The following ESRRG variants were observed in gnomAD, a reference collection of about 807,000 sequenced individuals.
The protein encoded by ESRRG is estrogen related receptor gamma.
A neutral mutation model predicts 44.0 loss-of-function variants in ESRRG; 13 were observed. That is an observed-to-expected ratio of 0.30 (90% CI 0.19 to 0.47). The LOEUF (loss-of-function observed/expected upper bound fraction) is 0.47. ESRRG is among the 20% of genes least tolerant of loss of function. The pLI, the probability that ESRRG is intolerant of heterozygous loss-of-function variation, is 1.00. For missense variants in ESRRG, 395 were observed against 580.6 expected (o/e 0.68, Z 3.29); for synonymous variants, 215 against 214.6 (o/e 1.00, Z -0.02).
At chr1:216,921,266 C>A (rs534172294) in intron 2 of ESRRG, among the ~76,000 whole-genome samples, 1 of 152,122 alleles carries the variant, frequency 6.6e-6, no homozygotes, top group Non-Finnish European at 1.5e-5. Context: ...TTCTCTGCCT[C>A]TTAGTCGCAT....
intron 1 of ESRRG, among the ~76,000 whole-genome samples, chr1:216,679,622 A>ATTTTTTTTTCTTTTTTTTT (rs2076684395): frequency 1.0e-5 from 1 of 98,910 alleles, no homozygotes. Context: ...TTAATTTGGA[A>ATTTTTTTTTCTTTTTTTTT]TTTTTTTTTT....
chr1:216,876,142 C>G (rs1447554635), intron 2 of ESRRG, among the ~76,000 whole-genome samples: 3 of 151,926 alleles, frequency 2.0e-5, no homozygotes, highest in Non-Finnish European at 4.4e-5. Context: ...TATATGTTTC[C>G]TGGAACAGTA....
rs11572825 is a variant in ESRRG at position 216,517,838 on chromosome 1, G to A, written c.1132+1314C>T. Among the ~76,000 whole-genome samples, 522 of 152,172 alleles carry A rather than the reference G, an allele frequency of 3.4e-3. 7 individuals are homozygous for A. Among genetic ancestry groups the A allele is most frequent in the African/African-American group, 0.012 (479 of 41,518 alleles). ...TTTCACAGGAGCGTAGAAGAAGAGAGGTGCATGGTGTGGTGAGGAAGAGGG... is the reference window on the plus strand; with the variant it reads ...TTTCACAGGAGCGTAGAAGAAGAGAAGTGCATGGTGTGGTGAGGAAGAGGG... On this transcript the variant is annotated intron_variant, in intron 6 of 6. Transcript: ENST00000408911.
intron 3 of ESRRG, among the ~76,000 whole-genome samples, chr1:216,631,224 T>C (rs1249919937): frequency 1.3e-5 from 2 of 152,154 alleles, no homozygotes; most frequent in Admixed American, 1.3e-4. Context: ...TAAGGCCAAT[T>C]GCATCCCCAA....
At chr1:216,775,359 C>T (rs1576409595) in intron 2 of ESRRG, among the ~76,000 whole-genome samples, 1 of 152,030 alleles carries the variant, frequency 6.6e-6, no homozygotes, top group East Asian at 2.0e-4. Context: ...CTCTTGAGCT[C>T]TTCGACCATA....
At chr1:216,681,510 G>T (rs2077027088) in intron 1 of ESRRG, among the ~76,000 whole-genome samples, 1 of 152,002 alleles carries the variant, frequency 6.6e-6, no homozygotes, top group South Asian at 2.1e-4. Context: ...CTAGGTTTGA[G>T]GAATTTAACA....
At chr1:216,966,189 A>T (rs559528708) in intron 1 of ESRRG, among the ~76,000 whole-genome samples, 1 of 152,314 alleles carries the variant, frequency 6.6e-6, no homozygotes, top group South Asian at 2.1e-4. Context: ...TGTTAGGGAC[A>T]TTCTTGCATT....
At chr1:217,119,832 T>G (rs2102493156) in intron 1 of ESRRG, among the ~76,000 whole-genome samples, 1 of 152,344 alleles carries the variant, frequency 6.6e-6, no homozygotes, top group South Asian at 2.1e-4. Context: ...AGCCCCAACT[T>G]GCCTTTCCAG....
intron 1 of ESRRG, among the ~76,000 whole-genome samples, chr1:217,073,222 A>T (rs1231165692): frequency 7.0e-6 from 1 of 142,454 alleles, no homozygotes; most frequent in Non-Finnish European, 1.5e-5. Context: ...AAAAAAAAAA[A>T]AAAAAAATCC....
At position 216,506,953 on chromosome 1, in the gene ESRRG, C is replaced by T; in HGVS notation, c.1363G>A (p.Glu455Lys). 1 of 1,613,960 alleles carries T rather than the reference C, an allele frequency of 6.2e-7. No individual in the cohort carries two copies. Among genetic ancestry groups the T allele is most frequent in the Non-Finnish European group, 8.5e-7 (1 of 1,179,922 alleles). ...GGAGCTTTTAGTCAGACCTTGGCCT[C>T]CAACATTTCCAAAAAAAGTTTGTGC... is the stretch of plus-strand genomic sequence containing the variant. ...PMHKLFLEML[E>K]AKV The change falls in exon 7 of 7, where the codon GAG becomes AAG. Residue 455 changes from glutamate (E) to lysine (K), a missense_variant. This residue lies in a region of ESRRG where 8 missense variants were observed against 25.4 expected (regional missense o/e 0.32). Transcript: ENST00000408911.
At chr1:216,733,913 AG>A (rs2089357608) in intron 2 of ESRRG, among the ~76,000 whole-genome samples, 1 of 149,450 alleles carries the variant, frequency 6.7e-6, no homozygotes, top group Non-Finnish European at 1.5e-5. Context: ...TGCCTGAACC[AG>A]GGAGGCAGAG....
chr1:216,524,513 T>C lies in ESRRG; in HGVS notation c.863-5092A>G, dbSNP rs542316527. ...ATAATACTATTCTTTGAATCTTTACTCTTTTGGGCTGACCTTAATCCAGAT... is the reference window on the plus strand; with the variant it reads ...ATAATACTATTCTTTGAATCTTTACCCTTTTGGGCTGACCTTAATCCAGAT... On this transcript the variant is annotated intron_variant, in intron 5 of 6. Coordinates refer to ENST00000408911, the MANE Select transcript of ESRRG (RefSeq NM_001438.4). 1.4e-4 allele frequency among the ~76,000 whole-genome samples: 21 copies of C among 152,104 alleles called. 1 individual carries two copies. In the East Asian group the frequency reaches 1.5e-3, roughly 11 times the overall value.
chr1:216,534,992 G>A (rs934699790), intron 5 of ESRRG, among the ~76,000 whole-genome samples: 2 of 152,168 alleles, frequency 1.3e-5, no homozygotes, highest in African/African-American at 2.4e-5. Context: ...ATGCAGAGAA[G>A]GCAAGAAAAG....
At chr1:216,727,645 A>C (rs943520511), upstream of ESRRG, among the ~76,000 whole-genome samples, 1 of 152,056 alleles carries the variant, frequency 6.6e-6, no homozygotes, top group African/African-American at 2.4e-5. Context: ...GTTGCCTTTC[A>C]TTTCTAGGGC....
intron 2 of ESRRG, among the ~76,000 whole-genome samples, chr1:216,931,681 C>T (rs1293645643): frequency 6.6e-6 from 1 of 152,050 alleles, no homozygotes; most frequent in African/African-American, 2.4e-5. Context: ...AGCAGAAATC[C>T]CTGTGCTCTG....
chr1:216,560,300 C>T (rs757457126), intron 5 of ESRRG, among the ~76,000 whole-genome samples: 3 of 152,060 alleles, frequency 2.0e-5, no homozygotes, highest in Admixed American at 2.0e-4. Flanking sequence ...CAAAGTCCTC[C>T]TTCTTCAATG....
intron 1 of ESRRG, among the ~76,000 whole-genome samples, chr1:217,133,641 C>CTTTCCT (rs748711287): frequency 2.6e-4 from 11 of 41,750 alleles, no homozygotes; most frequent in African/African-American, 8.1e-4. Flanking sequence ...TTCTCTCTCT[C>CTTTCCT]TCTCTCTTTC....
At chr1:216,943,006 C>CT (rs1258934155) in intron 1 of ESRRG, among the ~76,000 whole-genome samples, 1 of 152,092 alleles carries the variant, frequency 6.6e-6, no homozygotes, top group East Asian at 1.9e-4. Flanking sequence ...TGATGATTGC[C>CT]TATCCTATGC....
chr1:216,528,929 G>A (rs1427121516), intron 5 of ESRRG, among the ~76,000 whole-genome samples: 2 of 152,098 alleles, frequency 1.3e-5, no homozygotes, highest in Non-Finnish European at 2.9e-5. Flanking sequence ...GCAGCACCAA[G>A]GGAGTAAGGG....
Sources: allele counts gnomAD v4.1 joint callset (sites outside exome capture counted in the v4.1 genomes callset), GRCh38; gene constraint gnomAD v4.1.1; regional missense constraint gnomAD v4.1.1; transcripts MANE v1.5; gene names NCBI Gene and HGNC (gene_info 2026-07-23, HGNC 2026-07-21).